Variants in NKX2-3 observed in about 807,000 individuals in gnomAD.
NKX2-3 encodes NK2 homeobox 3, also known as homeobox protein Nkx-2.3.
NKX2-3 carries 3 observed loss-of-function variants against 14.2 expected under a neutral mutation model. The ratio of observed to expected loss-of-function variants is 0.21; its 90% CI spans 0.10 to 0.55. NKX2-3 has a LOEUF of 0.55. NKX2-3 is among the 20% of genes least tolerant of loss of function. The pLI is 0.94. For synonymous variants in NKX2-3, 276 were observed against 234.2 expected (o/e 1.18, Z -1.63); for missense variants, 511 against 514.5 (o/e 0.99, Z 0.06).
In NKX2-3 at chr10:99,533,417, G is replaced by A. The variant is rs1219791064; in HGVS notation, c.286G>A (p.Val96Ile). Residue 96 changes from valine to isoleucine, a missense_variant, in exon 1 of 2, where the codon GTC (valine) becomes ATC (isoleucine). By Grantham distance (29) the Val-to-Ile change is conservative (BLOSUM62 3). This residue lies in a region of NKX2-3 where 243 missense variants were observed against 242.3 expected (regional missense o/e 1.00). Transcript: ENST00000344586. ...GTGTCCCCAGGGCTATGTCCACACG[G>A]TCCTGCGAGACTCGTGCAGCGAGCC... ...GLCPQGYVHT[V>I]LRDSCSEPKE... The A allele has an allele frequency of 6.2e-7, 1 of 1,601,710 alleles. No individual in the cohort carries two copies.
At chr10:99,534,457 A>T (rs1349395034) in intron 1 of NKX2-3, among the ~76,000 whole-genome samples, 1 of 152,248 alleles carries the variant, frequency 6.6e-6, no homozygotes, top group Non-Finnish European at 1.5e-5. Context: ...AGATGTCGTC[A>T]TAACATTCGC....
Position 99,535,092 on chromosome 10 carries a change from T to A in NKX2-3, c.466T>A (p.Ser156Thr). Residue 156 changes from serine (S) to threonine (T), a missense_variant, in exon 2 of 2, where the codon TCG becomes ACG. Around this residue, in one of 3 missense-constraint regions of NKX2-3, gnomAD observed 243 missense variants for 242.3 expected, o/e 1.00. Transcript: ENST00000344586. ...CCGCCGGAAGCCCCGGGTCCTCTTC[T>A]CGCAAGCCCAGGTCTTCGAGCTGGA... ...RSRRKPRVLFSQAQVFELERR... is the reference protein window; with the variant it reads ...RSRRKPRVLFTQAQVFELERR... 1 of 1,609,536 alleles carries A rather than the reference T, an allele frequency of 6.2e-7. No individual in the cohort carries two copies. Among genetic ancestry groups the A allele is most frequent in the Non-Finnish European group, 8.5e-7 (1 of 1,178,232 alleles).
In NKX2-3 at chr10:99,535,502, C is replaced by T. The variant is rs750699538; in HGVS notation, c.876C>T (p.Gly292=). The stretch of plus-strand genomic sequence containing the variant: ...CGGCGGCCTACAGCAGCAGCTATGG[C>T]TGTGCGTACCCGGCGGGCGGCGGCG... ...AAAAAYSSSY[G]CAYPAGGGGG... is the part of the protein sequence containing the mutation. Residue 292 remains glycine, a synonymous_variant, in exon 2 of 2, where the codon GGC becomes GGT. Coordinates refer to ENST00000344586, the MANE Select transcript of NKX2-3 (RefSeq NM_145285.3). 1.0e-3 allele frequency: 1,238 copies of T among 1,242,106 alleles called. 15 individuals carry two copies. Among genetic ancestry groups the T allele is most frequent in the Middle Eastern group, 3.1e-4 (1 of 3,196 alleles). 76.9% of individuals were successfully genotyped at this position (1,242,106 alleles called of 1,614,324 possible). A position where few individuals can be genotyped will look rare whatever the true frequency, so the allele number is the denominator to read the frequency against.
At chr10:99,533,573 G>C in intron 1 of NKX2-3, 84 bp downstream of exon 1, 1 of 1,050,854 alleles carries the variant, frequency 9.5e-7, no homozygotes. Flanking sequence ...CCTTGCCAGC[G>C]CAGCTGCCCA....
chr10:99,534,925 G>A (rs2033950094), intron 1 of NKX2-3, 60 bp from the exon 2 acceptor site: 3 of 1,536,182 alleles, frequency 2.0e-6, no homozygotes, highest in Non-Finnish European at 2.6e-6. Flanking sequence ...GGTGCTCCAG[G>A]ACAGGAGCCG....
At position 99,533,335 on chromosome 10, in the gene NKX2-3, G is replaced by A. The variant is rs934639624; in HGVS notation, c.204G>A (p.Glu68=). Residue 68 remains glutamate, a synonymous_variant, in exon 1 of 2, where the codon GAG becomes GAA. Transcript: ENST00000344586. ...GGEEDEEDEG[E]KLSYLNSLAA... ...AGGAGGACGAGGAAGACGAGGGCGA[G>A]AAATTGTCCTATTTGAACTCACTAG... The A allele has an allele frequency of 3.7e-6, 6 of 1,612,846 alleles. No individual in the cohort carries two copies. The Admixed American group carries it at 5.0e-5, about 14-fold the overall frequency.
intron 1 of NKX2-3, among the ~76,000 whole-genome samples, chr10:99,534,068 G>T: frequency 6.6e-6 from 1 of 152,334 alleles, no homozygotes; most frequent in South Asian, 2.1e-4. Context: ...AGAGAGAGAG[G>T]AGATGATCGG....
rs1010751771 is a variant in NKX2-3, at chr10:99,533,632, G to A, written c.358+143G>A. 6.2e-6 allele frequency: 4 copies of A among 642,516 alleles called. No individual in the cohort carries two copies. The African/African-American group carries it at 7.3e-5, about 12-fold the overall frequency. The allele number at this position is 642,516 out of a possible 1,614,324, so 39.8% of individuals were successfully genotyped here. ...CATGCCTCCGCCCTGGTCACCGACA[G>A]CTCCACAAAGCGCAGGTACCTGCAA... is the stretch of plus-strand genomic sequence containing the variant. On this transcript the variant is annotated intron_variant, in intron 1 of 1. Coordinates refer to ENST00000344586, the MANE Select transcript of NKX2-3 (RefSeq NM_145285.3).
chr10:99,535,389 A>C lies in NKX2-3; in HGVS notation c.763A>C (p.Ser255Arg), dbSNP rs1190101246. 2.1e-6 allele frequency: 3 copies of C among 1,447,794 alleles called. No homozygotes were observed. The highest frequency in any genetic ancestry group is 1.5e-5 in the African/African-American group (1 of 65,558). The allele number at this position is 1,447,794 out of a possible 1,614,324, so 89.7% of individuals were successfully genotyped here. A position where few individuals can be genotyped will look rare whatever the true frequency, so the allele number is the denominator to read the frequency against. The change falls in exon 2 of 2, where the codon AGC (serine) becomes CGC (arginine). Residue 255 changes from serine (S) to arginine (R), a missense_variant. Coordinates refer to ENST00000344586, the MANE Select transcript of NKX2-3 (RefSeq NM_145285.3). ...CGGCGCGCCCTACAGCGTGGGCGCC[A>C]GCGCCTACTCCTACAACAGCTTCCC... ...AYGAPYSVGA[S>R]AYSYNSFPAY...
chr10:99,534,014 T>C (rs1318199687), intron 1 of NKX2-3, among the ~76,000 whole-genome samples: 2 of 152,204 alleles, frequency 1.3e-5, no homozygotes, highest in Admixed American at 1.3e-4. Context: ...GTTTCCTCCC[T>C]TCTCTGCTTG....
intron 1 of NKX2-3, among the ~76,000 whole-genome samples, chr10:99,534,227 G>C (rs1343303344): frequency 6.6e-6 from 1 of 152,200 alleles, no homozygotes; most frequent in East Asian, 1.9e-4. Context: ...CCGAGATCTT[G>C]GCTGCTCACA....
At position 99,535,707 on chromosome 10, in the gene NKX2-3, A is replaced by C; in HGVS notation, c.1081A>C (p.Ile361Leu). The part of the protein sequence containing the change: ...AACAQGTLQG[I>L]RAW ...GTGCGCTCAGGGCACCTTGCAGGGC[A>C]TCCGGGCCTGGTAGGGACGGGGCGG... Residue 361 changes from isoleucine to leucine, a missense_variant, in exon 2 of 2, where the codon ATC (isoleucine) becomes CTC (leucine). Around this residue, in one of 3 missense-constraint regions of NKX2-3, gnomAD observed 264 missense variants for 254.7 expected, o/e 1.04. Coordinates refer to ENST00000344586, the MANE Select transcript of NKX2-3 (RefSeq NM_145285.3). 6.5e-7 allele frequency: 1 copy of C among 1,534,128 alleles called. No individual in the cohort carries two copies. Among genetic ancestry groups the C allele is most frequent in the Non-Finnish European group, 8.7e-7 (1 of 1,145,400 alleles).
chr10:99,533,404 C>A lies in NKX2-3; in HGVS notation c.273C>A (p.Gly91=). The change falls in exon 1 of 2, where the codon GGC becomes GGA. Residue 91 remains glycine (G), a synonymous_variant. Coordinates refer to ENST00000344586, the MANE Select transcript of NKX2-3 (RefSeq NM_145285.3). ...GGGATTCAGGGCTGTGTCCCCAGGG[C>A]TATGTCCACACGGTCCTGCGAGACT... ...GHGDSGLCPQ[G]YVHTVLRDSC... The A allele has an allele frequency of 6.2e-7, 1 of 1,605,236 alleles. No individual in the cohort carries two copies. Among genetic ancestry groups the A allele is most frequent in the South Asian group, 1.1e-5 (1 of 89,310 alleles).
intron 1 of NKX2-3, among the ~76,000 whole-genome samples, chr10:99,533,918 C>A (rs1353691629): frequency 6.6e-6 from 1 of 152,146 alleles, no homozygotes; most frequent in Admixed American, 6.5e-5. Flanking sequence ...AGGGCAGCCA[C>A]CCCTTCTTCT....
chr10:99,535,422 G>A lies in NKX2-3; in HGVS notation c.796G>A (p.Gly266Ser), dbSNP rs1265983405. The change falls in exon 2 of 2, where the codon GGC (glycine) becomes AGC (serine). Residue 266 changes from glycine to serine, a missense_variant. This residue lies in a region of NKX2-3 where 264 missense variants were observed against 254.7 expected (regional missense o/e 1.04). Coordinates refer to ENST00000344586, the MANE Select transcript of NKX2-3 (RefSeq NM_145285.3). ...CTCCTACAACAGCTTCCCCGCCTAC[G>A]GCTATGGGAACTCGGCCGCGGCCGC... is the stretch of plus-strand genomic sequence containing the variant. The part of the protein sequence containing the change: ...AYSYNSFPAY[G>S]YGNSAAAAAA... 2 of 1,409,844 alleles carry A rather than the reference G, an allele frequency of 1.4e-6. No individual in the cohort carries two copies. Among genetic ancestry groups the A allele is most frequent in the South Asian group, 3.1e-5 (2 of 63,538 alleles). The allele number at this position is 1,409,844 out of a possible 1,614,324, so 87.3% of individuals were successfully genotyped here. A position where few individuals can be genotyped will look rare whatever the true frequency, so the allele number is the denominator to read the frequency against.
Position 99,536,251 on chromosome 10 carries a change from G to A in NKX2-3, c.*530G>A, listed in dbSNP as rs1191986206. On this transcript the variant is annotated 3_prime_UTR_variant, in exon 2 of 2. Coordinates refer to ENST00000344586, the MANE Select transcript of NKX2-3 (RefSeq NM_145285.3). ...TCGCAGCTGTCTCCCCTCCGCAGCA[G>A]ATACCTCGGTCCAGATCTCCGGATT... is the stretch of plus-strand genomic sequence containing the variant. 6.5e-6 allele frequency: 1 copy of A among 153,778 alleles called. No individual in the cohort carries two copies. 9.5% of individuals were successfully genotyped at this position (153,778 alleles called of 1,614,324 possible). A position where few individuals can be genotyped will look rare whatever the true frequency, so the allele number is the denominator to read the frequency against.
Position 99,535,740 on chromosome 10 carries a change from G to T in NKX2-3, c.*19G>T. 8 of 1,527,452 alleles carry T rather than the reference G, an allele frequency of 5.2e-6. No homozygotes were observed. Among genetic ancestry groups the T allele is most frequent in the Non-Finnish European group, 7.0e-6 (8 of 1,143,020 alleles). 94.6% of individuals were successfully genotyped at this position (1,527,452 alleles called of 1,614,324 possible). On this transcript the variant is annotated 3_prime_UTR_variant, in exon 2 of 2. Transcript: ENST00000344586. ...CTGGTAGGGACGGGGCGGGTCACGCGGCGGGCACCCCAGCGCAGCCTGGCG... is the reference window on the plus strand; with the variant it reads ...CTGGTAGGGACGGGGCGGGTCACGCTGCGGGCACCCCAGCGCAGCCTGGCG...
intron 1 of NKX2-3, 67 bp from the exon 2 acceptor site, chr10:99,534,918 G>T (rs2033950021): frequency 6.6e-6 from 10 of 1,521,602 alleles, no homozygotes; most frequent in Non-Finnish European, 8.8e-6. Flanking sequence ...GGGTCACGGT[G>T]CTCCAGGACA....
At position 99,532,958 on chromosome 10, in the gene NKX2-3, C is replaced by T; in HGVS notation, c.-174C>T. On this transcript the variant is annotated 5_prime_UTR_variant, in exon 1 of 2. Transcript: ENST00000344586. ...AGTCCCTGCAGTGGCTGTAACAAAACCCAGACCCCCAGGTCCCGGCCAATG... is the reference window on the plus strand; with the variant it reads ...AGTCCCTGCAGTGGCTGTAACAAAATCCAGACCCCCAGGTCCCGGCCAATG... 1 of 586,052 alleles carries T rather than the reference C, an allele frequency of 1.7e-6. No individual in the cohort carries two copies. Among genetic ancestry groups the T allele is most frequent in the East Asian group, 2.6e-5 (1 of 38,278 alleles). 36.3% of individuals were successfully genotyped at this position (586,052 alleles called of 1,614,324 possible).
Sources: allele counts gnomAD v4.1 joint callset (sites outside exome capture counted in the v4.1 genomes callset), GRCh38; gene constraint gnomAD v4.1.1; regional missense constraint gnomAD v4.1.1; transcripts MANE v1.5; gene names NCBI Gene and HGNC (gene_info 2026-07-23, HGNC 2026-07-21).